Variants in TRAF3IP2 observed in about 807,000 individuals in gnomAD.
TRAF3IP2 encodes E3 ubiquitin ligase TRAF3IP2.
TRAF3IP2 carries 35 observed loss-of-function variants against 57.9 expected under a neutral mutation model. The observed-to-expected ratio is 0.60, with a 90% confidence interval of 0.46 to 0.80. TRAF3IP2 has a LOEUF of 0.80. Among genes scored for constraint, TRAF3IP2 ranks in the 30% least tolerant of loss-of-function variants. The pLI, the probability that TRAF3IP2 is intolerant of heterozygous loss-of-function variation, is 0.00. For synonymous variants in TRAF3IP2, 251 were observed against 268.9 expected, an observed-to-expected ratio of 0.93 and a Z score of 0.65; for missense variants, 556 against 706.4, an observed-to-expected ratio of 0.79 and a Z score of 2.41.
At position 111,583,229 on chromosome 6, in the gene TRAF3IP2, A is replaced by G. The variant is rs1796218282; in HGVS notation, c.830-2840T>C. Among the ~76,000 whole-genome samples the G allele has an allele frequency of 2.0e-5, 3 of 152,312 alleles. No individual in the cohort carries two copies. In the South Asian group the frequency reaches 6.2e-4, roughly 32 times the overall value. ...TCAATAGATGAATGAATGAAGGCTC[A>G]ATAGTTACAAAGCCAACTTACAGAA... On this transcript the variant is annotated intron_variant, in intron 2 of 8. Coordinates refer to ENST00000368761, the MANE Select transcript of TRAF3IP2 (RefSeq NM_147686.4).
intron 1 of TRAF3IP2, among the ~76,000 whole-genome samples, chr6:111,604,580 C>T (rs1290790910): frequency 6.6e-5 from 10 of 152,348 alleles, no homozygotes; most frequent in Admixed American, 5.9e-4. Context: ...AGTAATAAGG[C>T]CTCAATTCCA....
chr6:111,583,524 A>G (rs952088457), intron 2 of TRAF3IP2, among the ~76,000 whole-genome samples: 14 of 152,170 alleles, frequency 9.2e-5, no homozygotes, highest in African/African-American at 3.4e-4. Flanking sequence ...CCTATTGTGA[A>G]CTGCGCACAT....
chr6:111,586,815 G>C (rs559325237), intron 2 of TRAF3IP2, among the ~76,000 whole-genome samples: 176 of 152,262 alleles, frequency 1.2e-3, no homozygotes, highest in Non-Finnish European at 1.8e-3. Flanking sequence ...TGCCATGAAT[G>C]CTTAAAATCT....
intron 3 of TRAF3IP2, among the ~76,000 whole-genome samples, chr6:111,578,485 A>T (rs1796059873): frequency 6.6e-6 from 1 of 152,230 alleles, no homozygotes; most frequent in South Asian, 2.1e-4. Context: ...TGCAAAAAAT[A>T]AAAAAATTAG....
At chr6:111,585,139 C>T (rs1796286312) in intron 2 of TRAF3IP2, among the ~76,000 whole-genome samples, 1 of 152,198 alleles carries the variant, frequency 6.6e-6, no homozygotes, top group Non-Finnish European at 1.5e-5. Context: ...GTTCCAACAA[C>T]CAGTTACTTC....
At chr6:111,575,474 G>A (rs1388982346) in intron 4 of TRAF3IP2, among the ~76,000 whole-genome samples, 169 bp downstream of exon 4, 1 of 151,856 alleles carries the variant, frequency 6.6e-6, no homozygotes, top group Non-Finnish European at 1.5e-5. Flanking sequence ...TGTAGTCCCA[G>A]CTACTCGGGA....
At chr6:111,561,800 G>A (rs1425358317) in intron 8 of TRAF3IP2, among the ~76,000 whole-genome samples, 1 of 152,184 alleles carries the variant, frequency 6.6e-6, no homozygotes, top group Non-Finnish European at 1.5e-5. Context: ...CATTTTGGAT[G>A]TTCCTCTTTG....
chr6:111,594,750 C>CA (rs978043472), intron 1 of TRAF3IP2, among the ~76,000 whole-genome samples: 6 of 152,028 alleles, frequency 3.9e-5, no homozygotes, highest in African/African-American at 9.7e-5. Flanking sequence ...CCTGTCTCTA[C>CA]AAAAAATTAA....
Position 111,557,717 on chromosome 6 carries a change from G to T in TRAF3IP2, c.*1688C>A, listed in dbSNP as rs1218965259. The T allele has an allele frequency of 6.6e-6, 1 of 150,444 alleles. No homozygotes were observed. The highest frequency in any genetic ancestry group is 2.0e-4 in the East Asian group (1 of 4,886). The allele number at this position is 150,444 out of a possible 1,614,324, so 9.3% of individuals were successfully genotyped here. A position where few individuals can be genotyped will look rare whatever the true frequency, so the allele number is the denominator to read the frequency against. On this transcript the variant is annotated 3_prime_UTR_variant, in exon 9 of 9. Transcript: ENST00000368761. ...AGTGCTGGGATTACAGGCGTGAGAA[G>T]ATATTTTTTAAAAGAGGAAAATGTT...
intron 1 of TRAF3IP2, among the ~76,000 whole-genome samples, chr6:111,604,672 T>C (rs1294703798): frequency 2.0e-5 from 3 of 151,824 alleles, no homozygotes; most frequent in Admixed American, 2.0e-4. Context: ...AGCAGACGAG[T>C]GAAACAGAAA....
chr6:111,573,527 A>G (rs1795892633), intron 4 of TRAF3IP2: 1 of 153,888 alleles, frequency 6.5e-6, no homozygotes. Context: ...TCACTTTTGC[A>G]GAAAGGCCAG....
chr6:111,567,107 C>T (rs967327186), intron 6 of TRAF3IP2: 16 of 912,374 alleles, frequency 1.8e-5, no homozygotes, highest in African/African-American at 5.4e-5. Context: ...GCAGCCGACA[C>T]GGACACGCTG....
intron 1 of TRAF3IP2, chr6:111,600,244 G>A (rs1379019354): frequency 6.6e-6 from 1 of 152,150 alleles, no homozygotes; most frequent in African/African-American, 2.4e-5. Context: ...AGTATTCCCT[G>A]GTTTTACACC....
intron 1 of TRAF3IP2, chr6:111,600,202 T>C (rs1182360832): frequency 6.6e-6 from 1 of 152,242 alleles, no homozygotes; most frequent in Non-Finnish European, 1.5e-5. Flanking sequence ...ACTGCAGTTA[T>C]TATCTGGCTT....
At position 111,601,125 on chromosome 6, in the gene TRAF3IP2, G is replaced by A. The variant is rs1796849320; in HGVS notation, c.-9+4651C>T. On this transcript the variant is annotated intron_variant, in intron 1 of 8. Coordinates refer to ENST00000368761, the MANE Select transcript of TRAF3IP2 (RefSeq NM_147686.4). ...ACTGACTGGTTCAGCTATTGGGAGGGAAGAAAGGGGATGGGGAAGCCACAT... is the reference window on the plus strand; with the variant it reads ...ACTGACTGGTTCAGCTATTGGGAGGAAAGAAAGGGGATGGGGAAGCCACAT... The A allele has an allele frequency of 9.7e-6, 7 of 719,334 alleles. No individual in the cohort carries two copies. In the Admixed American group the frequency reaches 1.3e-4, roughly 13 times the overall value. The allele number at this position is 719,334 out of a possible 1,614,324, so 44.6% of individuals were successfully genotyped here.
chr6:111,590,288 T>C (rs1175833436), intron 2 of TRAF3IP2, among the ~76,000 whole-genome samples: 2 of 152,178 alleles, frequency 1.3e-5, no homozygotes, highest in Non-Finnish European at 2.9e-5. Flanking sequence ...ACTTGCAGTC[T>C]AGAAGGAGAG....
At chr6:111,604,131 A>G (rs913489262) in intron 1 of TRAF3IP2, among the ~76,000 whole-genome samples, 2 of 152,246 alleles carry the variant, frequency 1.3e-5, no homozygotes, top group African/African-American at 2.4e-5. Context: ...GACATCCCAC[A>G]GAAACCAAAA....
In TRAF3IP2 at chr6:111,573,001, C is replaced by T. The variant is rs1418927658; in HGVS notation, c.1202-18G>A. On this transcript the variant is annotated intron_variant, in intron 4 of 8. Coordinates refer to ENST00000368761, the MANE Select transcript of TRAF3IP2 (RefSeq NM_147686.4). ...GACTTTCCCTAAGAGAAAATTTTTA[C>T]ATTTATTAGAAACTGATCAAATTAT... 1 of 1,567,156 alleles carries T rather than the reference C, an allele frequency of 6.4e-7. No individual in the cohort carries two copies. Among genetic ancestry groups the T allele is most frequent in the East Asian group, 2.2e-5 (1 of 44,620 alleles).
chr6:111,567,597 A>G, intron 6 of TRAF3IP2, 27 bp downstream of exon 6: 1 of 1,589,460 alleles, frequency 6.3e-7, no homozygotes, highest in East Asian at 2.3e-5. Context: ...ACCAGAAAAC[A>G]AACTCTGGTT....
Sources: gnomAD v4.1 joint callset for allele counts (sites outside exome capture counted in the v4.1 genomes callset) on GRCh38, gnomAD v4.1.1 for gene constraint, MANE v1.5 for transcripts, NCBI Gene and HGNC (gene_info 2026-07-23, HGNC 2026-07-21) for gene names.